The following B4GALT1 variants were observed in gnomAD, a reference collection of about 807,000 sequenced individuals.
B4GALT1 encodes beta-1,4-galactosyltransferase 1.
Under a neutral mutation model 34.9 loss-of-function variants are expected in B4GALT1, and 16 were observed. The ratio of observed to expected loss-of-function variants is 0.46; its 90% confidence interval spans 0.31 to 0.70. B4GALT1 has a LOEUF of 0.70. Ranked by LOEUF, B4GALT1 falls within the 30% of genes least tolerant of loss-of-function variation. The pLI is 0.05. For synonymous variants in B4GALT1, 221 were observed against 218.1 expected (o/e 1.01, Z -0.12); for missense variants, 445 against 530.5 (o/e 0.84, Z 1.58).
chr9:33,120,194 CAAA>C (rs370123101), intron 3 of B4GALT1, among the ~76,000 whole-genome samples: 5 of 129,978 alleles, frequency 3.8e-5, no homozygotes, highest in Admixed American at 7.7e-5. Flanking sequence ...AAAAAACAAA[CAAA>C]AAAAAAAAAG....
intron 2 of B4GALT1, among the ~76,000 whole-genome samples, chr9:33,134,289 G>A (rs966260929): frequency 2.0e-5 from 3 of 152,164 alleles, no homozygotes; most frequent in African/African-American, 7.2e-5. Context: ...AGTTTATCTC[G>A]AAATGAAATG....
chr9:33,133,168 G>A (rs1453216577), intron 2 of B4GALT1, among the ~76,000 whole-genome samples: 1 of 152,202 alleles, frequency 6.6e-6, no homozygotes, highest in Non-Finnish European at 1.5e-5. Context: ...CTCCCAAAGT[G>A]CTGGGATTAC....
At chr9:33,159,798 A>C (rs1243091048) in intron 1 of B4GALT1, among the ~76,000 whole-genome samples, 1 of 152,244 alleles carries the variant, frequency 6.6e-6, no homozygotes, top group Non-Finnish European at 1.5e-5. Context: ...TGTCAACAGC[A>C]CTGGTTTAGC....
At chr9:33,117,923 C>T (rs1839963403) in intron 3 of B4GALT1, among the ~76,000 whole-genome samples, 1 of 152,190 alleles carries the variant, frequency 6.6e-6, no homozygotes. Context: ...GAAGTACATG[C>T]CAAGCTGACA....
upstream of B4GALT1, among the ~76,000 whole-genome samples, chr9:33,170,691 A>C (rs1048877000): frequency 1.3e-5 from 2 of 152,212 alleles, no homozygotes; most frequent in African/African-American, 4.8e-5. Flanking sequence ...GCTGCCCCTG[A>C]TCCACAGGCA....
intron 2 of B4GALT1, 77 bp downstream of exon 2, chr9:33,135,112 T>C: frequency 2.1e-6 from 3 of 1,404,484 alleles, no homozygotes. Flanking sequence ...CCCCTTCCCC[T>C]GCCCTCATTA....
chr9:33,122,331 A>G (rs1840032411), intron 2 of B4GALT1, among the ~76,000 whole-genome samples: 1 of 152,076 alleles, frequency 6.6e-6, no homozygotes, highest in African/African-American at 2.4e-5. Flanking sequence ...CAGCCTGAGC[A>G]ACATGGTGAG....
Position 33,145,057 on chromosome 9 carries a change from T to C in B4GALT1, c.413-9633A>G, listed in dbSNP as rs548666278. On this transcript the variant is annotated intron_variant, in intron 1 of 5. Transcript: ENST00000379731. Reference sequence around the variant, plus strand: ...ACGAGGTCTTCACAGCAAGCCTAGGTGGCCAAGTGGGAAGCTGGACCAACT... The same window carrying C: ...ACGAGGTCTTCACAGCAAGCCTAGGCGGCCAAGTGGGAAGCTGGACCAACT... Among the ~76,000 whole-genome samples the C allele has an allele frequency of 5.3e-5, 8 of 152,218 alleles. No homozygotes were observed. In the South Asian group the frequency reaches 1.7e-3, roughly 32 times the overall value.
intron 1 of B4GALT1, among the ~76,000 whole-genome samples, chr9:33,137,511 C>T (rs578111013): frequency 6.6e-6 from 1 of 152,122 alleles, no homozygotes; most frequent in Non-Finnish European, 1.5e-5. Context: ...CCCAGGGTGC[C>T]CTAAAGTGAG....
chr9:33,178,648 C>T, the B4GALT1 span, among the ~76,000 whole-genome samples: 2 of 152,210 alleles, frequency 1.3e-5, no homozygotes, highest in Non-Finnish European at 2.9e-5. Flanking sequence ...CCATTTCCAG[C>T]AACATCTATA....
At chr9:33,118,337 T>C (rs62544383) in intron 3 of B4GALT1, among the ~76,000 whole-genome samples, 1 of 151,836 alleles carries the variant, frequency 6.6e-6, no homozygotes, top group Non-Finnish European at 1.5e-5. Context: ...CAGGAAGAAA[T>C]GATGAGAATA....
chr9:33,147,870 AAAAAT>A (rs143026620), intron 1 of B4GALT1, among the ~76,000 whole-genome samples: 6,183 of 152,124 alleles, frequency 0.041, 160 homozygotes, highest in Non-Finnish European at 0.062. Flanking sequence ...TCCATCTCTA[AAAAAT>A]AAAATAAAAT....
chr9:33,152,670 T>C (rs975691544), intron 1 of B4GALT1, among the ~76,000 whole-genome samples: 1 of 151,960 alleles, frequency 6.6e-6, no homozygotes, highest in African/African-American at 2.4e-5. Flanking sequence ...TGAGGCCAGT[T>C]TGAAACCAGC....
chr9:33,172,475 G>C, the B4GALT1 span, among the ~76,000 whole-genome samples: 1 of 152,150 alleles, frequency 6.6e-6, no homozygotes, highest in Admixed American at 6.5e-5. Flanking sequence ...TGTTCCAACT[G>C]ATTTCAGCCA....
chr9:33,105,833 A>G (rs970115027), downstream of B4GALT1, among the ~76,000 whole-genome samples: 1 of 139,016 alleles, frequency 7.2e-6, no homozygotes, highest in Non-Finnish European at 1.5e-5. Flanking sequence ...CCGATATTCC[A>G]TTGTATGTAT....
At chr9:33,121,997 G>A (rs1840027396) in intron 2 of B4GALT1, among the ~76,000 whole-genome samples, 1 of 152,118 alleles carries the variant, frequency 6.6e-6, no homozygotes, top group African/African-American at 2.4e-5. Context: ...AGTTCACAAA[G>A]CCTCCTGCAC....
chr9:33,158,160 G>A (rs1232620721), intron 1 of B4GALT1, among the ~76,000 whole-genome samples: 2 of 152,134 alleles, frequency 1.3e-5, no homozygotes. Flanking sequence ...AGGAGGTAGA[G>A]AAAGACAGAG....
At chr9:33,144,027 C>A (rs984323402) in intron 1 of B4GALT1, among the ~76,000 whole-genome samples, 1 of 151,892 alleles carries the variant, frequency 6.6e-6, no homozygotes, top group Non-Finnish European at 1.5e-5. Flanking sequence ...ATCACAGTCA[C>A]GAGCCACACA....
intron 2 of B4GALT1, among the ~76,000 whole-genome samples, chr9:33,126,651 T>G (rs1840107242): frequency 6.6e-6 from 1 of 152,280 alleles, no homozygotes; most frequent in African/African-American, 2.4e-5. Context: ...TTAACTATTG[T>G]TAACCATAGC....
Sources: allele counts gnomAD v4.1 joint callset (sites outside exome capture counted in the v4.1 genomes callset), GRCh38; gene constraint gnomAD v4.1.1; transcripts MANE v1.5; gene names NCBI Gene and HGNC (gene_info 2026-07-23, HGNC 2026-07-21).